The following SYT17 variants were observed in gnomAD, a reference collection of about 807,000 sequenced individuals.
SYT17 encodes the protein synaptotagmin-17.
In SYT17, 22 loss-of-function variants were observed where a neutral mutation model predicts 46.7. That is an observed-to-expected ratio of 0.47 (90% CI 0.34 to 0.67). SYT17 has a LOEUF of 0.67. Among genes scored for constraint, SYT17 ranks in the 30% least tolerant of loss-of-function variants. The pLI, the probability that SYT17 is intolerant of heterozygous loss-of-function variation, is 0.01. For synonymous variants in SYT17, 251 were observed against 248.4 expected (o/e 1.01, Z -0.10); for missense variants, 519 against 612.8 (o/e 0.85, Z 1.62).
chr16:19,258,108 T>C (rs777017920), intron 7 of SYT17, among the ~76,000 whole-genome samples: 5 of 152,110 alleles, frequency 3.3e-5, no homozygotes, highest in Non-Finnish European at 5.9e-5. Flanking sequence ...ACAGCAAATA[T>C]CAACAGGTGA....
chr16:19,192,696 C>T (rs780380108), intron 5 of SYT17, among the ~76,000 whole-genome samples: 2 of 152,110 alleles, frequency 1.3e-5, no homozygotes, highest in South Asian at 2.1e-4. Flanking sequence ...TGTAAGGTGG[C>T]GGTGACAAAG....
intron 7 of SYT17, among the ~76,000 whole-genome samples, chr16:19,242,172 G>GA (rs879841007): frequency 3.9e-5 from 6 of 152,172 alleles, no homozygotes; most frequent in Non-Finnish European, 7.4e-5. Context: ...CAGAAAAACA[G>GA]AAAAAATCCA....
chr16:19,212,351 T>G (rs148653888), intron 5 of SYT17, among the ~76,000 whole-genome samples: 157 of 152,170 alleles, frequency 1.0e-3, no homozygotes, highest in Middle Eastern at 3.4e-3. Context: ...CCGGGTATGG[T>G]GGCTCACACA....
chr16:19,241,658 C>T (rs995394311), intron 7 of SYT17, among the ~76,000 whole-genome samples: 1 of 152,148 alleles, frequency 6.6e-6, no homozygotes, highest in African/African-American at 2.4e-5. Flanking sequence ...GCCCCTAGGG[C>T]AGCAGGCTCT....
chr16:19,256,556 CTATTATTATTATTAT>C (rs66644033), intron 7 of SYT17, among the ~76,000 whole-genome samples: 75,141 of 144,866 alleles, frequency 0.52, 20,702 homozygotes, highest in South Asian at 0.64. Context: ...ATGGGTGAGT[CTATTATTATTATTAT>C]TATTATTATT....
intron 7 of SYT17, among the ~76,000 whole-genome samples, chr16:19,234,987 G>C (rs8054025): frequency 0.56 from 85,505 of 151,912 alleles, 25,033 homozygotes; most frequent in East Asian, 0.98. Context: ...TGCCAACTCA[G>C]ATGCAGAACC....
chr16:19,173,578 T>C lies in SYT17; in HGVS notation c.182T>C (p.Leu61Pro). The C allele has an allele frequency of 6.2e-7, 1 of 1,613,132 alleles. No homozygotes were observed. The highest frequency in any genetic ancestry group is 1.1e-5 in the South Asian group (1 of 90,918). ...TTCCCTGCTCAGACCCCTCCCTGGC[T>C]GTAAGTAAAACTGCTCTGAACTTCT... ...GPFPAQTPPWLMASRSSDKDG... is the reference protein window; with the variant it reads ...GPFPAQTPPWPMASRSSDKDG... Residue 61 changes from leucine (L) to proline (P), a missense_variant and splice_region_variant, in exon 3 of 8, where the codon CTG becomes CCG. Transcript: ENST00000355377.
At chr16:19,238,140 T>C (rs562289951) in intron 7 of SYT17, among the ~76,000 whole-genome samples, 1 of 152,274 alleles carries the variant, frequency 6.6e-6, no homozygotes. Context: ...CACTGGACTA[T>C]AATGTTGGAG....
At chr16:19,193,472 A>C (rs975003309) in intron 5 of SYT17, among the ~76,000 whole-genome samples, 1 of 152,202 alleles carries the variant, frequency 6.6e-6, no homozygotes, top group African/African-American at 2.4e-5. Flanking sequence ...GCACTGCCCA[A>C]ATGAAAGCCT....
intron 7 of SYT17, among the ~76,000 whole-genome samples, chr16:19,255,579 G>T (rs555377464): frequency 1.3e-5 from 2 of 152,150 alleles, no homozygotes; most frequent in South Asian, 4.2e-4. Flanking sequence ...TTGAAGCCAG[G>T]AGTCCAAGAT....
At chr16:19,222,500 G>T (rs1307415564) in intron 5 of SYT17, among the ~76,000 whole-genome samples, 1 of 149,706 alleles carries the variant, frequency 6.7e-6, no homozygotes, top group Non-Finnish European at 1.5e-5. Flanking sequence ...GATCTGCTGG[G>T]GACTCCAGGT....
intron 5 of SYT17, among the ~76,000 whole-genome samples, chr16:19,203,373 T>G (rs1486515956): frequency 6.7e-6 from 1 of 150,128 alleles, no homozygotes; most frequent in Non-Finnish European, 1.5e-5. Flanking sequence ...GGTGCATGCC[T>G]GTAGTCCCAG....
intron 7 of SYT17, among the ~76,000 whole-genome samples, chr16:19,234,894 C>G (rs760132297): frequency 1.4e-4 from 22 of 152,196 alleles, no homozygotes; most frequent in Non-Finnish European, 3.1e-4. Context: ...GTTGTTGCCC[C>G]AGCATCTCCC....
rs1272904673 is a variant in SYT17 at position 19,177,685 on chromosome 16, A to G, written c.183-2706A>G. Among the ~76,000 whole-genome samples, 4 of 152,164 alleles carry G rather than the reference A, an allele frequency of 2.6e-5. 1 individual carries two copies. The South Asian group carries it at 6.2e-4, about 24-fold the overall frequency. ...GCTCTGCGTGTGATCTTGGGGATACATTAATTGTCACATATGCTCATGTCC... is the reference window on the plus strand; with the variant it reads ...GCTCTGCGTGTGATCTTGGGGATACGTTAATTGTCACATATGCTCATGTCC... On this transcript the variant is annotated intron_variant, in intron 3 of 7. Coordinates refer to ENST00000355377, the MANE Select transcript of SYT17 (RefSeq NM_016524.4).
chr16:19,230,704 G>C (rs1409559841), intron 7 of SYT17, among the ~76,000 whole-genome samples: 1 of 152,186 alleles, frequency 6.6e-6, no homozygotes, highest in Non-Finnish European at 1.5e-5. Flanking sequence ...TTAGGAACCA[G>C]ACCTTTAGCT....
chr16:19,183,602 A>G lies in SYT17; in HGVS notation c.406A>G (p.Lys136Glu). The change falls in exon 5 of 8, where the codon AAG becomes GAG. Residue 136 changes from lysine (K) to glutamate (E), a missense_variant. Transcript: ENST00000355377. This position sits in a 1 kb window ranked among gnomAD's most constrained non-coding sequence, Gnocchi z 5.6. ...PIEFGVLSAK[K>E]EPIQPSVLRR... Reference sequence around the variant, plus strand: ...CGAGTTTGGCGTTCTCAGCGCCAAGAAGGAGCCCATCCAACCTTCGGTGCT... The same window carrying G: ...CGAGTTTGGCGTTCTCAGCGCCAAGGAGGAGCCCATCCAACCTTCGGTGCT... The G allele has an allele frequency of 6.2e-7, 1 of 1,614,196 alleles. No individual in the cohort carries two copies. Among genetic ancestry groups the G allele is most frequent in the Non-Finnish European group, 8.5e-7 (1 of 1,180,034 alleles).
Position 19,168,579 on chromosome 16 carries a change from C to G in SYT17, c.-68C>G. ...CCCCCTTTGCTTTCTTCCCCCTCCG[C>G]TGTTGGCGAGGGCAAAGTGGCCGTG... On this transcript the variant is annotated 5_prime_UTR_variant, in exon 1 of 8. Transcript: ENST00000355377. The surrounding 1 kb of genome is among the most constrained non-coding windows in gnomAD (Gnocchi z 6.9). The G allele has an allele frequency of 6.5e-7, 1 of 1,541,750 alleles. No homozygotes were observed. The highest frequency in any genetic ancestry group is 1.7e-4 in the Middle Eastern group (1 of 5,952).
intron 5 of SYT17, among the ~76,000 whole-genome samples, chr16:19,218,270 C>A (rs983071078): frequency 3.3e-5 from 5 of 152,190 alleles, no homozygotes; most frequent in Admixed American, 6.5e-5. Flanking sequence ...ATCAATGAAT[C>A]CTTTGCTATT....
At chr16:19,209,596 C>T (rs113402278) in intron 5 of SYT17, among the ~76,000 whole-genome samples, 4,331 of 152,096 alleles carry the variant, frequency 0.028, 212 homozygotes, top group African/African-American at 0.099. Context: ...TTCGGCTGGG[C>T]GCGGTGGCTC....
Sources: allele counts gnomAD v4.1 joint callset (sites outside exome capture counted in the v4.1 genomes callset), GRCh38; gene constraint gnomAD v4.1.1; non-coding constraint Gnocchi (gnomAD v3.1); transcripts MANE v1.5; gene names NCBI Gene and HGNC (gene_info 2026-07-23, HGNC 2026-07-21).